NSF: variants seen among roughly 807,000 people sequenced by gnomAD.
NSF encodes the protein N-ethylmaleimide sensitive factor, vesicle fusing ATPase.
Under a neutral mutation model 50.3 loss-of-function variants are expected in NSF, and 14 were observed. The ratio of observed to expected loss-of-function variants is 0.28; its 90% CI spans 0.18 to 0.44. The LOEUF (loss-of-function observed/expected upper bound fraction) is 0.44, where lower values mean the gene tolerates loss of function less well. Among genes scored for constraint, NSF ranks in the 20% least tolerant of loss-of-function variants. The probability of loss-of-function intolerance (pLI) is 1.00; values close to 1 mark genes in which losing one functional copy is unlikely to be tolerated. For synonymous variants in NSF, 109 were observed against 175.7 expected, an observed-to-expected ratio of 0.62 and a Z score of 3.00; for missense variants, 218 against 504.3, an observed-to-expected ratio of 0.43 and a Z score of 5.44.
intron 17 of NSF, among the ~76,000 whole-genome samples, chr17:46,749,487 G>A (rs1291948351): frequency 6.6e-6 from 1 of 152,064 alleles, no homozygotes; most frequent in Non-Finnish European, 1.5e-5. Context: ...ATACATACAC[G>A]TCAGTATCTT....
intron 17 of NSF, among the ~76,000 whole-genome samples, chr17:46,738,999 G>T (rs577450406): frequency 6.6e-6 from 1 of 151,890 alleles, no homozygotes. Context: ...ACTTTGGGAG[G>T]CCAAGGCAGG....
chr17:46,630,797 A>G (rs1338091302), intron 4 of NSF, among the ~76,000 whole-genome samples: 1 of 132,772 alleles, frequency 7.5e-6, no homozygotes, highest in Non-Finnish European at 1.5e-5. Context: ...AAAGTTAGGA[A>G]ATGGAGTATG....
intron 17 of NSF, among the ~76,000 whole-genome samples, chr17:46,746,583 C>CT (rs533497422): frequency 1.3e-5 from 2 of 151,976 alleles, no homozygotes; most frequent in Non-Finnish European, 2.9e-5. Flanking sequence ...TATCTATGGA[C>CT]TGAGTGTGTA....
At chr17:46,721,992 C>T in intron 15 of NSF, 1 of 1,607,704 alleles carries the variant, frequency 6.2e-7, no homozygotes, top group East Asian at 2.2e-5. Flanking sequence ...ATTATGATAG[C>T]TTTCCGACCA....
intron 15 of NSF, chr17:46,721,957 T>C (rs1244934823): frequency 3.1e-6 from 5 of 1,604,078 alleles, no homozygotes; most frequent in Non-Finnish European, 3.4e-6. Flanking sequence ...TCTGGAAAGA[T>C]TTCAGTTGAG....
chr17:46,744,889 A>G (rs544957500), intron 17 of NSF, among the ~76,000 whole-genome samples: 1 of 152,340 alleles, frequency 6.6e-6, no homozygotes, highest in South Asian at 2.1e-4. Flanking sequence ...GTTAACTAAT[A>G]CTTATTTAAC....
At chr17:46,709,341 A>T (rs57532897) in intron 13 of NSF, among the ~76,000 whole-genome samples, 14 of 149,200 alleles carry the variant, frequency 9.4e-5, no homozygotes, top group African/African-American at 4.9e-5. Flanking sequence ...TCTGGAGGAT[A>T]AAAAAAAAAT....
chr17:46,711,795 A>G (rs2058722140), intron 14 of NSF, among the ~76,000 whole-genome samples: 1 of 152,202 alleles, frequency 6.6e-6, no homozygotes, highest in Non-Finnish European at 1.5e-5. Flanking sequence ...TGGGAGAAAC[A>G]TATTAAGCCA....
rs892367324 is a variant in NSF, at chr17:46,661,378, TTTATTATTA to T, written c.746-13012_746-13004del. On this transcript the variant is annotated intron_variant, in intron 8 of 20. Coordinates refer to ENST00000398238, the MANE Select transcript of NSF (RefSeq NM_006178.4). ...TATTTGAATCTCTTCTACATTTCTT[TTTATTATTA>T]TTATTATTATTATTATTATTATTTT... Among the ~76,000 whole-genome samples, 5 of 106,550 alleles carry T rather than the reference TTTATTATTA, an allele frequency of 4.7e-5. No homozygotes were observed. In the East Asian group the frequency reaches 1.7e-3, roughly 36 times the overall value. 69.9% of individuals were successfully genotyped at this position (106,550 alleles called of 152,430 possible).
intron 15 of NSF, among the ~76,000 whole-genome samples, chr17:46,725,619 A>G (rs1370500878): frequency 6.6e-6 from 1 of 152,116 alleles, no homozygotes; most frequent in African/African-American, 2.4e-5. Context: ...GTTTGACTTT[A>G]TTTCTGTACC....
chr17:46,749,395 G>A (rs118006517), intron 17 of NSF, among the ~76,000 whole-genome samples: 5 of 152,218 alleles, frequency 3.3e-5, no homozygotes, highest in Non-Finnish European at 7.4e-5. Context: ...TAAAGCCAGC[G>A]CCACATACTT....
At chr17:46,657,354 T>A (rs2058267692) in intron 8 of NSF, among the ~76,000 whole-genome samples, 2 of 151,858 alleles carry the variant, frequency 1.3e-5, no homozygotes, top group Non-Finnish European at 2.9e-5. Flanking sequence ...AATAGAAATA[T>A]AAAAAATATA....
At chr17:46,592,895 G>T in intron 1 of NSF, among the ~76,000 whole-genome samples, 2 of 135,760 alleles carry the variant, frequency 1.5e-5, no homozygotes, top group East Asian at 2.1e-4. Context: ...TATAGGCTGG[G>T]AATCTGAGGG....
At chr17:46,707,956 C>T (rs967068723) in intron 13 of NSF, among the ~76,000 whole-genome samples, 3 of 151,674 alleles carry the variant, frequency 2.0e-5, no homozygotes, top group African/African-American at 7.3e-5. Flanking sequence ...TCATTTGGAT[C>T]CGGGAGGTGG....
intron 17 of NSF, among the ~76,000 whole-genome samples, chr17:46,749,225 A>ACTTTTT (rs1452035099): frequency 6.6e-6 from 1 of 152,220 alleles, no homozygotes; most frequent in Non-Finnish European, 1.5e-5. Flanking sequence ...TAGTTTTTAA[A>ACTTTTT]CTTTTTTTAA....
chr17:46,695,240 C>T (rs1307699142), intron 12 of NSF, among the ~76,000 whole-genome samples: 12 of 143,450 alleles, frequency 8.4e-5, no homozygotes, highest in East Asian at 2.0e-4. Context: ...AGCGAGATTC[C>T]GTCTCCAAAA....
intron 17 of NSF, among the ~76,000 whole-genome samples, chr17:46,747,868 C>T (rs2059146736): frequency 6.6e-6 from 1 of 151,986 alleles, no homozygotes; most frequent in Non-Finnish European, 1.5e-5. Context: ...TTTCCTAGAA[C>T]TGAATGATTG....
intron 8 of NSF, among the ~76,000 whole-genome samples, chr17:46,667,491 TTGCAAA>T (rs2058346048): frequency 1.4e-5 from 2 of 142,796 alleles, no homozygotes; most frequent in Non-Finnish European, 3.2e-5. Context: ...AATCTTTACC[TTGCAAA>T]ACTAAAACTA....
intron 15 of NSF, among the ~76,000 whole-genome samples, chr17:46,717,627 G>A (rs1042010780): frequency 3.9e-5 from 6 of 152,136 alleles, no homozygotes; most frequent in Admixed American, 6.5e-5. Context: ...CAGGAGAATC[G>A]CTTGAACCCG....
Sources: allele counts gnomAD v4.1 joint callset (sites outside exome capture counted in the v4.1 genomes callset), GRCh38; gene constraint gnomAD v4.1.1; transcripts MANE v1.5; gene names NCBI Gene and HGNC (gene_info 2026-07-23, HGNC 2026-07-21).